CUX1: variants seen among roughly 807,000 people sequenced by gnomAD.
CUX1 encodes protein CASP.
A neutral mutation model predicts 158.8 loss-of-function variants in CUX1; 31 were observed. That is an observed-to-expected ratio of 0.20 (90% confidence interval 0.15 to 0.26). CUX1 has a LOEUF of 0.26. Among genes scored for constraint, CUX1 ranks in the 10% least tolerant of loss-of-function variants. The pLI is 1.00. For missense variants in CUX1, 1,589 were observed against 2,014.6 expected (o/e 0.79, Z 4.04); for synonymous variants, 879 against 862.1 (o/e 1.02, Z -0.34).
At chr7:102,226,069 A>C (rs769911722) in intron 20 of CUX1, among the ~76,000 whole-genome samples, 13 of 152,264 alleles carry the variant, frequency 8.5e-5, no homozygotes, top group Non-Finnish European at 1.8e-4. Context: ...TATCCCAGAC[A>C]TCCCAGAACT....
Position 102,252,482 on chromosome 7 carries a change from C to A in CUX1, c.*3440C>A. ...CATATAAAACACTAACACTTAATTA[C>A]AAGCTCCATTATGCCATTTTAAATG... On this transcript the variant is annotated 3_prime_UTR_variant, in exon 24 of 24. Coordinates refer to ENST00000292535, the MANE Select transcript of CUX1 (RefSeq NM_181552.4). The A allele has an allele frequency of 1.0e-6, 1 of 985,454 alleles. No individual in the cohort carries two copies. Among genetic ancestry groups the A allele is most frequent in the Non-Finnish European group, 1.2e-6 (1 of 829,940 alleles). The allele number at this position is 985,454 out of a possible 1,614,324, so 61.0% of individuals were successfully genotyped here.
intron 10 of CUX1, 65 bp downstream of exon 10, chr7:102,170,615 G>A (rs1266971211): frequency 2.2e-5 from 24 of 1,097,546 alleles, no homozygotes; most frequent in Non-Finnish European, 2.8e-5. Flanking sequence ...AGTTACAGCC[G>A]CTTGCTCCTT....
At chr7:102,212,328 C>T (rs1245122561) in intron 20 of CUX1, among the ~76,000 whole-genome samples, 1 of 152,094 alleles carries the variant, frequency 6.6e-6, no homozygotes, top group Non-Finnish European at 1.5e-5. Context: ...AGGCAGCCTA[C>T]GCAGGCTGCC....
intron 3 of CUX1, among the ~76,000 whole-genome samples, chr7:102,069,124 A>C (rs1396657418): frequency 6.6e-6 from 1 of 151,968 alleles, no homozygotes; most frequent in Admixed American, 6.6e-5. Flanking sequence ...CTCGACACCC[A>C]CAACCACTGC....
intron 4 of CUX1, among the ~76,000 whole-genome samples, chr7:102,096,836 G>A (rs1563235825): frequency 6.6e-6 from 1 of 152,176 alleles, no homozygotes; most frequent in East Asian, 1.9e-4. Context: ...AGTTTCTGAG[G>A]CCTCTTTCTC....
intron 1 of CUX1, among the ~76,000 whole-genome samples, chr7:101,847,448 C>T (rs1339133744): frequency 6.6e-6 from 1 of 152,076 alleles, no homozygotes; most frequent in African/African-American, 2.4e-5. Flanking sequence ...GCAGACAGCA[C>T]ATCTGATTTG....
intron 1 of CUX1, among the ~76,000 whole-genome samples, chr7:101,876,971 G>T (rs544949919): frequency 2.0e-5 from 3 of 152,028 alleles, no homozygotes; most frequent in African/African-American, 7.2e-5. Flanking sequence ...TCTGCACCAC[G>T]TTGGGATGGG....
chr7:102,081,872 C>T (rs904224081), intron 4 of CUX1, among the ~76,000 whole-genome samples: 1 of 146,462 alleles, frequency 6.8e-6, no homozygotes, highest in Non-Finnish European at 1.5e-5. Flanking sequence ...GTGATGCGTC[C>T]GCCTCCGCCT....
intron 16 of CUX1, 104 bp from the exon 17 acceptor site, chr7:102,199,967 A>T: frequency 1.1e-6 from 1 of 906,060 alleles, no homozygotes; most frequent in Non-Finnish European, 1.6e-6. Flanking sequence ...TCCTTGTGTC[A>T]CCAGCCCCCA....
intron 1 of CUX1, among the ~76,000 whole-genome samples, chr7:101,848,405 AC>A (rs1229786157): frequency 3.3e-5 from 5 of 152,112 alleles, no homozygotes; most frequent in African/African-American, 1.2e-4. Flanking sequence ...AACACTTGGC[AC>A]CTCTGTGGCT....
chr7:101,921,444 A>AT (rs978588279), intron 2 of CUX1, among the ~76,000 whole-genome samples: 10 of 150,956 alleles, frequency 6.6e-5, no homozygotes, highest in South Asian at 4.2e-4. Context: ...ATTTTATTTT[A>AT]TTTATTTATT....
chr7:101,824,865 T>C (rs909610026), intron 1 of CUX1: 24 of 152,242 alleles, frequency 1.6e-4, no homozygotes, highest in African/African-American at 5.8e-4. Flanking sequence ...TTGATGAGGT[T>C]TGGAAAAGAC....
chr7:102,036,707 A>G (rs1821458713), intron 3 of CUX1, among the ~76,000 whole-genome samples: 1 of 151,700 alleles, frequency 6.6e-6, no homozygotes, highest in Non-Finnish European at 1.5e-5. Flanking sequence ...GTGCCACTGC[A>G]GTCCAGCCTG....
At chr7:101,982,838 A>G (rs1186517546) in intron 2 of CUX1, among the ~76,000 whole-genome samples, 1 of 151,480 alleles carries the variant, frequency 6.6e-6, no homozygotes, top group Non-Finnish European at 1.5e-5. Flanking sequence ...CGTCATTTAC[A>G]TTAGGTATAT....
rs1430125586 is a variant in CUX1, at chr7:102,251,737, T to G, written c.*2695T>G. ...CTCCACAAAACCCTCAAGGGACTTT[T>G]GTCATCATGTGTGATGAATCTTTAA... is the stretch of plus-strand genomic sequence containing the variant. On this transcript the variant is annotated 3_prime_UTR_variant, in exon 24 of 24. Coordinates refer to ENST00000292535, the MANE Select transcript of CUX1 (RefSeq NM_181552.4). 1.0e-6 allele frequency: 1 copy of G among 985,296 alleles called. No individual in the cohort carries two copies. Among genetic ancestry groups the G allele is most frequent in the African/African-American group, 1.7e-5 (1 of 57,232 alleles). The allele number at this position is 985,296 out of a possible 1,614,324, so 61.0% of individuals were successfully genotyped here. A position where few individuals can be genotyped will look rare whatever the true frequency, so the allele number is the denominator to read the frequency against.
rs782576331 is a variant in CUX1, at chr7:102,202,078, C to T, written c.2781C>T (p.Val927=). 9.9e-6 allele frequency: 16 copies of T among 1,614,114 alleles called. No homozygotes were observed. In the Admixed American group the frequency reaches 2.0e-4, roughly 20 times the overall value. ...VPMSKPTKPS[V]PPLTPEQYEV... ...TGTCCAAGCCCACCAAGCCCTCGGT[C>T]CCCCCGCTGACCCCCGAGCAGTACG... is the stretch of plus-strand genomic sequence containing the variant. The change falls in exon 18 of 24, where the codon GTC becomes GTT. Residue 927 remains valine, a synonymous_variant. Transcript: ENST00000292535.
chr7:102,229,369 C>T (rs1457517708), intron 21 of CUX1, among the ~76,000 whole-genome samples: 1 of 150,790 alleles, frequency 6.6e-6, no homozygotes, highest in Non-Finnish European at 1.5e-5. Flanking sequence ...GTGGCGCAAC[C>T]TCAGCTTACT....
Position 101,920,346 on chromosome 7 carries a change from A to G in CUX1, c.141+4121A>G, listed in dbSNP as rs1035017377. Reference sequence around the variant, plus strand: ...ACCATGTTGCCCAGGCTGGTCTTGAACTCCTGACCTTGTGATCCACCCGCC... The same window carrying G: ...ACCATGTTGCCCAGGCTGGTCTTGAGCTCCTGACCTTGTGATCCACCCGCC... On this transcript the variant is annotated intron_variant, in intron 2 of 23. Coordinates refer to ENST00000292535, the MANE Select transcript of CUX1 (RefSeq NM_181552.4). 2.0e-5 allele frequency among the ~76,000 whole-genome samples: 3 copies of G among 148,426 alleles called. No homozygotes were observed. The East Asian group carries it at 6.0e-4, about 29-fold the overall frequency.
chr7:102,037,280 A>C (rs753960498), intron 3 of CUX1, among the ~76,000 whole-genome samples: 3 of 152,246 alleles, frequency 2.0e-5, no homozygotes, highest in Non-Finnish European at 4.4e-5. Context: ...TCTTAGATCA[A>C]AGCTTTAAAC....
Sources: allele counts gnomAD v4.1 joint callset (sites outside exome capture counted in the v4.1 genomes callset), GRCh38; gene constraint gnomAD v4.1.1; transcripts MANE v1.5; gene names NCBI Gene and HGNC (gene_info 2026-07-23, HGNC 2026-07-21).